The following PRXL2B variants were observed in gnomAD, a reference collection of about 807,000 sequenced individuals.
PRXL2B encodes the protein prostamide/prostaglandin F synthase.
A neutral mutation model predicts 24.4 loss-of-function variants in PRXL2B; 26 were observed. The ratio of observed to expected loss-of-function variants is 1.07; its 90% CI spans 0.78 to 1.48. PRXL2B has a LOEUF of 1.48. Ranked by LOEUF, PRXL2B falls within the 40% of genes most tolerant of loss-of-function variation. The probability of loss-of-function intolerance (pLI) is 0.00; values close to 1 mark genes in which losing one functional copy is unlikely to be tolerated. For missense variants in PRXL2B, 269 were observed against 264.8 expected, an observed-to-expected ratio of 1.02 and a Z score of -0.11; for synonymous variants, 115 against 118.9, an observed-to-expected ratio of 0.97 and a Z score of 0.21.
In PRXL2B at chr1:2,586,896, T is replaced by C. The variant is rs757860802; in HGVS notation, c.11T>C (p.Val4Ala). 6.9e-6 allele frequency: 9 copies of C among 1,309,460 alleles called. No individual in the cohort carries two copies. Among genetic ancestry groups the C allele is most frequent in the African/African-American group, 6.1e-5 (4 of 65,614 alleles). The allele number at this position is 1,309,460 out of a possible 1,614,324, so 81.1% of individuals were successfully genotyped here. Residue 4 changes from valine (V) to alanine (A), a missense_variant, in exon 1 of 7, where the codon GTG becomes GCG. Coordinates refer to ENST00000419916, the MANE Select transcript of PRXL2B (RefSeq NM_152371.5). MST[V>A]DLARVGACIL... ...CTGGCAGCGGCCGCCATGAGCACGG[T>C]GGACCTTGCTCGCGTGGGCGCGTGC...
Position 2,587,437 on chromosome 1 carries a change from C to T in PRXL2B, c.268+142C>T, listed in dbSNP as rs910749235. On this transcript the variant is annotated intron_variant, in intron 2 of 6. Transcript: ENST00000419916. The surrounding 1 kb of genome is among the most constrained non-coding windows in gnomAD (Gnocchi z 6.1). ...CACGGGTCAGCGTCCCTCATCTCTC[C>T]CTGCCTCCCCGCCCCGCAGCTGGTG... 2.0e-6 allele frequency: 2 copies of T among 1,008,128 alleles called. No individual in the cohort carries two copies. Among genetic ancestry groups the T allele is most frequent in the African/African-American group, 3.2e-5 (2 of 61,654 alleles). The allele number at this position is 1,008,128 out of a possible 1,614,324, so 62.4% of individuals were successfully genotyped here. A position where few individuals can be genotyped will look rare whatever the true frequency, so the allele number is the denominator to read the frequency against.
rs371929529 is a variant in PRXL2B at position 2,587,732 on chromosome 1, G to A, written c.269-9G>A. 1.1e-5 allele frequency: 18 copies of A among 1,599,842 alleles called. No homozygotes were observed. Among genetic ancestry groups the A allele is most frequent in the Non-Finnish European group, 1.4e-5 (17 of 1,173,500 alleles). ...CCTGGGGCACACACATGTGGCTTCCGCTTTCCAGAGCTCTACCTGGATGAG... is the reference window on the plus strand; with the variant it reads ...CCTGGGGCACACACATGTGGCTTCCACTTTCCAGAGCTCTACCTGGATGAG... On this transcript the variant is annotated splice_polypyrimidine_tract_variant and intron_variant, in intron 2 of 6. Coordinates refer to ENST00000419916, the MANE Select transcript of PRXL2B (RefSeq NM_152371.5). The surrounding 1 kb of genome is among the most constrained non-coding windows in gnomAD (Gnocchi z 6.1).
At position 2,590,700 on chromosome 1, in the gene PRXL2B, T is replaced by C. The variant is rs1236908856; in HGVS notation, c.*1273T>C. 2.7e-6 allele frequency: 1 copy of C among 368,784 alleles called. No individual in the cohort carries two copies. Among genetic ancestry groups the C allele is most frequent in the Non-Finnish European group, 4.8e-6 (1 of 206,924 alleles). 22.8% of individuals were successfully genotyped at this position (368,784 alleles called of 1,614,324 possible). On this transcript the variant is annotated 3_prime_UTR_variant, in exon 7 of 7. Transcript: ENST00000419916. ...TGTAGATACTGGAAGACAATGCACC[T>C]TGGAGGGTGGGCAGGACACAGTTGA...
Position 2,591,335 on chromosome 1 carries a change from T to C in PRXL2B, c.*1908T>C, listed in dbSNP as rs1356645332. On this transcript the variant is annotated 3_prime_UTR_variant, in exon 7 of 7. Transcript: ENST00000419916. ...TAAAACTCTCCTTCACACAGAAACA[T>C]TCGCAGCCTGCGGTAGGCTCCCCCT... is the stretch of plus-strand genomic sequence containing the variant. The C allele has an allele frequency of 1.7e-6, 1 of 600,148 alleles. No individual in the cohort carries two copies. Among genetic ancestry groups the C allele is most frequent in the African/African-American group, 1.9e-5 (1 of 53,856 alleles). The allele number at this position is 600,148 out of a possible 1,614,324, so 37.2% of individuals were successfully genotyped here. A position where few individuals can be genotyped will look rare whatever the true frequency, so the allele number is the denominator to read the frequency against.
At chr1:2,588,810 C>T in intron 5 of PRXL2B, 112 bp from the exon 6 acceptor site, 1 of 1,238,780 alleles carries the variant, frequency 8.1e-7, no homozygotes, top group Non-Finnish European at 1.2e-6. Flanking sequence ...ATCTGGGTAG[C>T]CGGGTGGGGG....
chr1:2,587,901 G>C lies in PRXL2B; in HGVS notation c.320+109G>C, dbSNP rs1046216973. The stretch of plus-strand genomic sequence containing the variant: ...TGCCCTCTGTGGTGCTGTCCACTCG[G>C]GCCTTCCTGGGCAAGGCGGCTCTGG... On this transcript the variant is annotated intron_variant, in intron 3 of 6. Coordinates refer to ENST00000419916, the MANE Select transcript of PRXL2B (RefSeq NM_152371.5). This position sits in a 1 kb window ranked among gnomAD's most constrained non-coding sequence, Gnocchi z 6.1. 2 of 1,271,300 alleles carry C rather than the reference G, an allele frequency of 1.6e-6. No homozygotes were observed. Among genetic ancestry groups the C allele is most frequent in the Admixed American group, 4.6e-5 (2 of 43,264 alleles). The allele number at this position is 1,271,300 out of a possible 1,614,324, so 78.8% of individuals were successfully genotyped here.
chr1:2,588,960 C>G lies in PRXL2B; in HGVS notation c.499C>G (p.Pro167Ala). The G allele has an allele frequency of 6.2e-7, 1 of 1,613,368 alleles. No homozygotes were observed. The highest frequency in any genetic ancestry group is 8.5e-7 in the Non-Finnish European group (1 of 1,179,998). Reference sequence around the variant, plus strand: ...GCTCCTGCATTTCGTCCAGAAGTCCCCAGGCGACTACGTCCCCAAGGAGCA... The same window carrying G: ...GCTCCTGCATTTCGTCCAGAAGTCCGCAGGCGACTACGTCCCCAAGGAGCA... ...KVLLHFVQKS[P>A]GDYVPKEHIL... Residue 167 changes from proline (P) to alanine (A), a missense_variant, in exon 6 of 7, where the codon CCA becomes GCA. By Grantham distance (27) the Pro-to-Ala change is conservative. Transcript: ENST00000419916.
chr1:2,591,010 C>T lies in PRXL2B; in HGVS notation c.*1583C>T, dbSNP rs1437631747. 6.2e-7 allele frequency: 1 copy of T among 1,600,960 alleles called. No individual in the cohort carries two copies. The highest frequency in any genetic ancestry group is 1.3e-5 in the African/African-American group (1 of 74,486). The stretch of plus-strand genomic sequence containing the variant: ...CTTGGCTACCACACGCGGCATCGCT[C>T]CTTGGGGTGCATGGGGGTGCCCCGG... On this transcript the variant is annotated 3_prime_UTR_variant, in exon 7 of 7. Coordinates refer to ENST00000419916, the MANE Select transcript of PRXL2B (RefSeq NM_152371.5).
chr1:2,587,660 G>A lies in PRXL2B; in HGVS notation c.269-81G>A, dbSNP rs1013420375. On this transcript the variant is annotated intron_variant, in intron 2 of 6. Transcript: ENST00000419916. This position sits in a 1 kb window ranked among gnomAD's most constrained non-coding sequence, Gnocchi z 6.1. ...GGGCAGAGGAACAGAGGGTCGGAAG[G>A]AGGAGGGCGATTCTTTGTGGTGAGT... The A allele has an allele frequency of 6.7e-7, 1 of 1,483,332 alleles. No homozygotes were observed. The highest frequency in any genetic ancestry group is 1.4e-5 in the African/African-American group (1 of 72,148). 91.9% of individuals were successfully genotyped at this position (1,483,332 alleles called of 1,614,324 possible). A position where few individuals can be genotyped will look rare whatever the true frequency, so the allele number is the denominator to read the frequency against.
Position 2,591,031 on chromosome 1 carries a change from C to G in PRXL2B, c.*1604C>G. Reference sequence around the variant, plus strand: ...CGCTCCTTGGGGTGCATGGGGGTGCCCCGGGCACAGTGGAACGTGTCTGCG... The same window carrying G: ...CGCTCCTTGGGGTGCATGGGGGTGCGCCGGGCACAGTGGAACGTGTCTGCG... On this transcript the variant is annotated 3_prime_UTR_variant, in exon 7 of 7. Coordinates refer to ENST00000419916, the MANE Select transcript of PRXL2B (RefSeq NM_152371.5). 2 of 1,606,002 alleles carry G rather than the reference C, an allele frequency of 1.2e-6. No homozygotes were observed. The highest frequency in any genetic ancestry group is 1.7e-6 in the Non-Finnish European group (2 of 1,177,184).
Position 2,591,180 on chromosome 1 carries a change from ACAT to A in PRXL2B, c.*1756_*1758del, listed in dbSNP as rs1044389328. On this transcript the variant is annotated 3_prime_UTR_variant, in exon 7 of 7. Transcript: ENST00000419916. ...CTCCGTGATTAAAAACCAGCCCAAAACATCAGCCTAATGGCTCATGTCAGTATG... is the reference window on the plus strand; with the variant it reads ...CTCCGTGATTAAAAACCAGCCCAAAACAGCCTAATGGCTCATGTCAGTATG... 1 of 847,798 alleles carries A rather than the reference ACAT, an allele frequency of 1.2e-6. No individual in the cohort carries two copies. Among genetic ancestry groups the A allele is most frequent in the Middle Eastern group, 2.4e-4 (1 of 4,236 alleles). The allele number at this position is 847,798 out of a possible 1,614,324, so 52.5% of individuals were successfully genotyped here.
Position 2,589,029 on chromosome 1 carries a change from G to A in PRXL2B, c.568G>A (p.Asp190Asn), listed in dbSNP as rs369682917. The A allele has an allele frequency of 3.0e-4, 487 of 1,612,654 alleles. No individual in the cohort carries two copies. The highest frequency in any genetic ancestry group is 3.9e-4 in the Non-Finnish European group (459 of 1,179,822). ...CATCTCTGCGGAGGTCTGTGCCAGC[G>A]ACCCGCCTCAGGTGAGCTGGGCCTT... ...LGISAEVCAS[D>N]PPQCDREV Residue 190 changes from aspartate to asparagine, a missense_variant, in exon 6 of 7, where the codon GAC (aspartate) becomes AAC (asparagine). By Grantham distance (23) the Asp-to-Asn change is conservative. Transcript: ENST00000419916.
intron 6 of PRXL2B, 68 bp from the exon 7 acceptor site, chr1:2,589,342 A>G: frequency 1.3e-6 from 2 of 1,591,892 alleles, no homozygotes; most frequent in Non-Finnish European, 1.7e-6. Context: ...GGATTGTCCA[A>G]GGGGGCCCTC....
Position 2,588,988 on chromosome 1 carries a change from T to C in PRXL2B, c.527T>C (p.Ile176Thr). ...SPGDYVPKEH[I>T]LQVLGISAEV... The stretch of plus-strand genomic sequence containing the variant: ...GGCGACTACGTCCCCAAGGAGCACA[T>C]CCTGCAGGTCCTGGGCATCTCTGCG... The change falls in exon 6 of 7, where the codon ATC becomes ACC. Residue 176 changes from isoleucine (I) to threonine (T), a missense_variant. Coordinates refer to ENST00000419916, the MANE Select transcript of PRXL2B (RefSeq NM_152371.5). 6.2e-7 allele frequency: 1 copy of C among 1,613,298 alleles called. No individual in the cohort carries two copies. Among genetic ancestry groups the C allele is most frequent in the Admixed American group, 1.7e-5 (1 of 60,024 alleles).
Position 2,587,117 on chromosome 1 carries a change from G to T in PRXL2B, c.90G>T (p.Arg30=). The part of the protein sequence containing the change: ...GEAVELRSLW[R]EHACVVAGLR... ...CCGTGGAGCTGCGGAGCCTGTGGCG[G>T]GAGCACGCGTGCGTGGTGGCCGGGC... Residue 30 remains arginine, a synonymous_variant, in exon 2 of 7, where the codon CGG becomes CGT. Transcript: ENST00000419916. This position sits in a 1 kb window ranked among gnomAD's most constrained non-coding sequence, Gnocchi z 6.1. The T allele has an allele frequency of 2.6e-6, 4 of 1,527,384 alleles. No individual in the cohort carries two copies. Among genetic ancestry groups the T allele is most frequent in the Non-Finnish European group, 3.5e-6 (4 of 1,143,278 alleles). 94.6% of individuals were successfully genotyped at this position (1,527,384 alleles called of 1,614,324 possible).
At position 2,587,923 on chromosome 1, in the gene PRXL2B, C is replaced by T; in HGVS notation, c.320+131C>T. ...TCGGGCCTTCCTGGGCAAGGCGGCT[C>T]TGGTGGCACTGTTGACCAGCCCTTC... is the stretch of plus-strand genomic sequence containing the variant. On this transcript the variant is annotated intron_variant, in intron 3 of 6. Coordinates refer to ENST00000419916, the MANE Select transcript of PRXL2B (RefSeq NM_152371.5). The surrounding 1 kb of genome is among the most constrained non-coding windows in gnomAD (Gnocchi z 6.1). 1 of 1,009,572 alleles carries T rather than the reference C, an allele frequency of 9.9e-7. No individual in the cohort carries two copies. The highest frequency in any genetic ancestry group is 1.6e-5 in the South Asian group (1 of 62,466). The allele number at this position is 1,009,572 out of a possible 1,614,324, so 62.5% of individuals were successfully genotyped here.
chr1:2,587,103 C>T lies in PRXL2B; in HGVS notation c.76C>T (p.Arg26Trp), dbSNP rs549244493. 5.2e-6 allele frequency: 8 copies of T among 1,543,386 alleles called. No homozygotes were observed. In the African/African-American group the frequency reaches 5.5e-5, roughly 11 times the overall value. ...AGCCGCCCGGCAGGCCGTGGAGCTG[C>T]GGAGCCTGTGGCGGGAGCACGCGTG... The part of the protein sequence containing the change: ...HAVTGEAVEL[R>W]SLWREHACVV... Residue 26 changes from arginine to tryptophan, a missense_variant, in exon 2 of 7, where the codon CGG becomes TGG. Transcript: ENST00000419916. This position sits in a 1 kb window ranked among gnomAD's most constrained non-coding sequence, Gnocchi z 6.1.
At chr1:2,588,490 G>A (rs1255664561) in intron 4 of PRXL2B, 37 bp downstream of exon 4, 8 of 1,613,830 alleles carry the variant, frequency 5.0e-6, no homozygotes, top group Non-Finnish European at 6.8e-6. Context: ...CCGGGGGGTG[G>A]TGGGAGCTCC....
In PRXL2B at chr1:2,589,535, G is replaced by C; in HGVS notation, c.*108G>C. ...TCCGGAGGCGCTGGGTCGGGATGCCGAACCTCTCCTGATCCGCCGGCAGCA... is the reference window on the plus strand; with the variant it reads ...TCCGGAGGCGCTGGGTCGGGATGCCCAACCTCTCCTGATCCGCCGGCAGCA... On this transcript the variant is annotated 3_prime_UTR_variant, in exon 7 of 7. Transcript: ENST00000419916. 1 of 1,509,076 alleles carries C rather than the reference G, an allele frequency of 6.6e-7. No individual in the cohort carries two copies. The allele number at this position is 1,509,076 out of a possible 1,614,324, so 93.5% of individuals were successfully genotyped here. A position where few individuals can be genotyped will look rare whatever the true frequency, so the allele number is the denominator to read the frequency against.
Sources: allele counts gnomAD v4.1 joint callset, GRCh38; gene constraint gnomAD v4.1.1; non-coding constraint Gnocchi (gnomAD v3.1); transcripts MANE v1.5; gene names NCBI Gene and HGNC (gene_info 2026-07-23, HGNC 2026-07-21).